Variants in IRAK3 observed in about 807,000 individuals in gnomAD.
The protein encoded by IRAK3 is interleukin 1 receptor associated kinase 3, also known as interleukin-1 receptor-associated kinase 3.
In IRAK3, 57 loss-of-function variants were observed where a neutral mutation model predicts 56.6. The ratio of observed to expected loss-of-function variants is 1.01; its 90% CI spans 0.81 to 1.26. The LOEUF is 1.26. Ranked by LOEUF, IRAK3 falls within the 50% of genes most tolerant of loss-of-function variation. The pLI, the probability that IRAK3 is intolerant of heterozygous loss-of-function variation, is 0.00. For missense variants in IRAK3, 703 were observed against 719.0 expected (o/e 0.98, Z 0.25); for synonymous variants, 258 against 255.7 (o/e 1.01, Z -0.09).
intron 5 of IRAK3, among the ~76,000 whole-genome samples, chr12:66,212,670 A>G (rs1006178564): frequency 1.3e-5 from 2 of 152,178 alleles, no homozygotes; most frequent in Admixed American, 6.5e-5. Flanking sequence ...TCACAGAAGC[A>G]CATAAAAGAT....
chr12:66,206,419 GCTTTTA>G (rs2052558802), intron 2 of IRAK3, among the ~76,000 whole-genome samples: 1 of 152,070 alleles, frequency 6.6e-6, no homozygotes, highest in African/African-American at 2.4e-5. Context: ...TGTTGGTAGG[GCTTTTA>G]TCATGATAGG....
chr12:66,246,723 A>T (rs2053036698), intron 11 of IRAK3, among the ~76,000 whole-genome samples: 1 of 152,244 alleles, frequency 6.6e-6, no homozygotes, highest in African/African-American at 2.4e-5. Flanking sequence ...AGGTTAAATG[A>T]GATAATATAT....
chr12:66,190,289 A>T (rs2052386802), intron 1 of IRAK3, among the ~76,000 whole-genome samples: 1 of 152,206 alleles, frequency 6.6e-6, no homozygotes, highest in African/African-American at 2.4e-5. Flanking sequence ...ACTGATGAAC[A>T]GTATGGTGAC....
At chr12:66,203,421 GA>G (rs766191773) in intron 1 of IRAK3, among the ~76,000 whole-genome samples, 202 of 152,212 alleles carry the variant, frequency 1.3e-3, no homozygotes, top group Non-Finnish European at 2.5e-3. Context: ...ATATAATATG[GA>G]AAACTGGATA....
intron 6 of IRAK3, among the ~76,000 whole-genome samples, chr12:66,221,551 T>C (rs2052733771): frequency 6.6e-6 from 1 of 152,210 alleles, no homozygotes; most frequent in Non-Finnish European, 1.5e-5. Flanking sequence ...ACCTAATTTG[T>C]TGAGAGTTTT....
At chr12:66,198,125 A>C (rs1473165053) in intron 1 of IRAK3, 31 of 983,614 alleles carry the variant, frequency 3.2e-5, no homozygotes, top group Non-Finnish European at 3.6e-5. Context: ...CACCCGATGC[A>C]TCTTCCAAAA....
At chr12:66,234,259 A>G in intron 8 of IRAK3, 1 of 1,613,228 alleles carries the variant, frequency 6.2e-7, no homozygotes, top group Non-Finnish European at 8.5e-7. Flanking sequence ...GTGACAGATG[A>G]CTCATCTGCT....
At chr12:66,190,860 A>G (rs1317883912) in intron 1 of IRAK3, among the ~76,000 whole-genome samples, 1 of 152,134 alleles carries the variant, frequency 6.6e-6, no homozygotes, top group Non-Finnish European at 1.5e-5. Context: ...AACCCCAGCT[A>G]CTCTACACTT....
chr12:66,234,619 A>C (rs1334303624), intron 8 of IRAK3: 1 of 1,611,676 alleles, frequency 6.2e-7, no homozygotes, highest in Admixed American at 1.7e-5. Flanking sequence ...TCTGTCCTCC[A>C]TCAGAAAACT....
At chr12:66,213,146 G>T (rs1404782005) in intron 5 of IRAK3, among the ~76,000 whole-genome samples, 1 of 152,124 alleles carries the variant, frequency 6.6e-6, no homozygotes, top group South Asian at 2.1e-4. Context: ...AAGATGAAAG[G>T]CACGCCTTAC....
At chr12:66,219,043 T>A (rs950222384) in intron 6 of IRAK3, among the ~76,000 whole-genome samples, 9 of 147,670 alleles carry the variant, frequency 6.1e-5, no homozygotes, top group Non-Finnish European at 1.3e-4. Context: ...CGTGTGTGTG[T>A]GTGTGTATGT....
intron 1 of IRAK3, among the ~76,000 whole-genome samples, chr12:66,194,549 C>T (rs750689121): frequency 6.6e-6 from 1 of 152,154 alleles, no homozygotes; most frequent in African/African-American, 2.4e-5. Context: ...ATGCCCCTGC[C>T]GGACGCGGTG....
intron 8 of IRAK3, among the ~76,000 whole-genome samples, chr12:66,231,447 T>C (rs2052843139): frequency 6.6e-6 from 1 of 152,232 alleles, no homozygotes; most frequent in Admixed American, 6.5e-5. Flanking sequence ...AGCATTGTGT[T>C]AGACCACAGG....
chr12:66,251,025 G>T lies in IRAK3; in HGVS notation c.*2854G>T, dbSNP rs923739987. The stretch of plus-strand genomic sequence containing the variant: ...ATCACTGGTATGTTTTTTGAGAAAA[G>T]GATCCTTTCTTTTCATTCTGTTATA... On this transcript the variant is annotated 3_prime_UTR_variant, in exon 12 of 12. Transcript: ENST00000261233. 2 of 152,128 alleles carry T rather than the reference G, an allele frequency of 1.3e-5. No individual in the cohort carries two copies. The highest frequency in any genetic ancestry group is 2.9e-5 in the Non-Finnish European group (2 of 68,010). The allele number at this position is 152,128 out of a possible 1,614,324, so 9.4% of individuals were successfully genotyped here. A position where few individuals can be genotyped will look rare whatever the true frequency, so the allele number is the denominator to read the frequency against.
In IRAK3 at chr12:66,251,536, C is replaced by T. The variant is rs2053099537; in HGVS notation, c.*3365C>T. 2 of 152,094 alleles carry T rather than the reference C, an allele frequency of 1.3e-5. 1 individual carries two copies. Among genetic ancestry groups the T allele is most frequent in the East Asian group, 3.8e-4 (2 of 5,202 alleles). The allele number at this position is 152,094 out of a possible 1,614,324, so 9.4% of individuals were successfully genotyped here. A position where few individuals can be genotyped will look rare whatever the true frequency, so the allele number is the denominator to read the frequency against. On this transcript the variant is annotated 3_prime_UTR_variant, in exon 12 of 12. Transcript: ENST00000261233. ...ATTTACTAAGCTTCAGGCTTTTGTC[C>T]CATTTTATAATGCCCAAACACATGG...
rs572442085 is a variant in IRAK3 at position 66,197,135 on chromosome 12, T to C, written c.134-6576T>C. ...AGGTTGACTTTTTGGCTTATGTGAC[T>C]CCAATACGACTTTCAACAAAGATTT... On this transcript the variant is annotated intron_variant, in intron 1 of 11. Coordinates refer to ENST00000261233, the MANE Select transcript of IRAK3 (RefSeq NM_007199.3). 10 of 1,282,748 alleles carry C rather than the reference T, an allele frequency of 7.8e-6. No individual in the cohort carries two copies. The South Asian group carries it at 1.7e-4, about 21-fold the overall frequency. 79.5% of individuals were successfully genotyped at this position (1,282,748 alleles called of 1,614,324 possible). A position where few individuals can be genotyped will look rare whatever the true frequency, so the allele number is the denominator to read the frequency against.
At chr12:66,231,962 TAAG>T (rs1038054418) in intron 8 of IRAK3, among the ~76,000 whole-genome samples, 1 of 152,074 alleles carries the variant, frequency 6.6e-6, no homozygotes, top group African/African-American at 2.4e-5. Context: ...TCTCACAACT[TAAG>T]AGGAGGCCAG....
chr12:66,230,108 A>G (rs540534100), intron 8 of IRAK3, among the ~76,000 whole-genome samples: 1 of 152,312 alleles, frequency 6.6e-6, no homozygotes, highest in African/African-American at 2.4e-5. Flanking sequence ...AGGGAGGCAG[A>G]GGCAAGCTCT....
chr12:66,197,186 A>G, intron 1 of IRAK3: 1 of 1,272,744 alleles, frequency 7.9e-7, no homozygotes, highest in Non-Finnish European at 9.9e-7. Flanking sequence ...GTTTTAAACA[A>G]TGCTTAACTA....
Sources: gnomAD v4.1 joint callset for allele counts (sites outside exome capture counted in the v4.1 genomes callset) on GRCh38, gnomAD v4.1.1 for gene constraint, MANE v1.5 for transcripts, NCBI Gene and HGNC (gene_info 2026-07-23, HGNC 2026-07-21) for gene names.